Variants in NBEA observed in about 807,000 individuals in gnomAD.
NBEA encodes the protein lysosomal-trafficking regulator 2.
In NBEA, 44 loss-of-function variants were observed where a neutral mutation model predicts 343.4. The ratio of observed to expected loss-of-function variants is 0.13; its 90% confidence interval spans 0.10 to 0.16. The LOEUF is 0.16. Among genes scored for constraint, NBEA ranks in the 10% least tolerant of loss-of-function variants. NBEA has a pLI of 1.00. For missense variants in NBEA, 2,555 were observed against 3,631.3 expected (o/e 0.70, Z 7.62); for synonymous variants, 1,175 against 1,238.7 (o/e 0.95, Z 1.08).
At chr13:35,590,433 A>G (rs2081479447) in intron 46 of NBEA, among the ~76,000 whole-genome samples, 1 of 152,138 alleles carries the variant, frequency 6.6e-6, no homozygotes, top group Non-Finnish European at 1.5e-5. Context: ...GTGGAATTCA[A>G]TATTCTCTGC....
At chr13:35,074,613 A>G (rs1593258342) in intron 10 of NBEA, among the ~76,000 whole-genome samples, 1 of 152,238 alleles carries the variant, frequency 6.6e-6, no homozygotes, top group East Asian at 1.9e-4. Flanking sequence ...AGGTGATGGG[A>G]TATTCATGGG....
intron 17 of NBEA, among the ~76,000 whole-genome samples, chr13:35,129,320 T>G (rs1008532306): frequency 1.8e-4 from 28 of 152,022 alleles, no homozygotes; most frequent in Admixed American, 4.6e-4. Context: ...AAAAATCCTA[T>G]TAAATATATA....
At chr13:35,179,639 C>A in intron 28 of NBEA, 1 of 276,908 alleles carries the variant, frequency 3.6e-6, no homozygotes, top group Non-Finnish European at 5.5e-6. Flanking sequence ...CTGTTATTTA[C>A]AGCGCTGCCA....
intron 17 of NBEA, among the ~76,000 whole-genome samples, chr13:35,127,856 A>T (rs2067209094): frequency 6.6e-6 from 1 of 152,140 alleles, no homozygotes. Flanking sequence ...CGTAAAGATC[A>T]GTAAGCATAA....
rs772547175 is a variant in NBEA, at chr13:35,208,860, G to C, written c.5521+6G>C. On this transcript the variant is annotated splice_donor_region_variant and intron_variant, in intron 32 of 58. Transcript: ENST00000379939. ...AAGTATGATTAATACAACAGGTATT[G>C]TACTTACATATTTTTGTGATACTCA... The C allele has an allele frequency of 6.6e-7, 1 of 1,521,866 alleles. No individual in the cohort carries two copies. The highest frequency in any genetic ancestry group is 8.9e-7 in the Non-Finnish European group (1 of 1,123,658). The allele number at this position is 1,521,866 out of a possible 1,614,324, so 94.3% of individuals were successfully genotyped here. A position where few individuals can be genotyped will look rare whatever the true frequency, so the allele number is the denominator to read the frequency against.
Position 35,276,903 on chromosome 13 carries a change from AT to A in NBEA, c.5777-13484del, listed in dbSNP as rs1251285721. On this transcript the variant is annotated intron_variant, in intron 34 of 58. Transcript: ENST00000379939. ...CTGATTCTTTTTGAATATAAAATAG[AT>A]TATACATTTGTTTAAATTTTGTAAT... Among the ~76,000 whole-genome samples, 9 of 152,294 alleles carry A rather than the reference AT, an allele frequency of 5.9e-5. No individual in the cohort carries two copies. The East Asian group carries it at 1.5e-3, about 26-fold the overall frequency.
At position 35,606,473 on chromosome 13, in the gene NBEA, TA is replaced by T; in HGVS notation, c.7346del (p.Asn2449MetfsTer12). On this transcript the variant is annotated frameshift_variant, in exon 48 of 59. Coordinates refer to ENST00000379939, the MANE Select transcript of NBEA (RefSeq NM_001385012.1). LOFTEE classifies it high-confidence loss of function. Reference protein sequence around the residue: ...YYLPEMFVNSNGYNLGVREDE... With the variant: ...YYLPEMFVNSXGYNLGVREDE... ...ACCTACCAGAGATGTTTGTCAACAG[TA>T]ATGGATATAATCTTGGAGTCAGAGA... 6.3e-7 allele frequency: 1 copy of T among 1,592,794 alleles called. No individual in the cohort carries two copies. The highest frequency in any genetic ancestry group is 1.1e-5 in the South Asian group (1 of 87,560).
intron 4 of NBEA, among the ~76,000 whole-genome samples, chr13:35,046,287 C>T (rs1360181012): frequency 2.6e-5 from 4 of 152,076 alleles, no homozygotes; most frequent in Non-Finnish European, 5.9e-5. Context: ...TCTTATCTTT[C>T]GATTAAATAC....
intron 10 of NBEA, among the ~76,000 whole-genome samples, chr13:35,084,880 A>G (rs1441014464): frequency 6.6e-6 from 1 of 152,184 alleles, no homozygotes; most frequent in Non-Finnish European, 1.5e-5. Flanking sequence ...AATAGATGCA[A>G]TAAAAAATGA....
At chr13:35,071,577 G>C (rs183820724) in intron 10 of NBEA, among the ~76,000 whole-genome samples, 5 of 151,874 alleles carry the variant, frequency 3.3e-5, no homozygotes, top group African/African-American at 1.2e-4. Flanking sequence ...CCATGCTTGG[G>C]GATTTTAATG....
rs149293796 is a variant in NBEA, at chr13:35,666,354, A to T, written c.8465-1020A>T. ...AGAAATGGACACATAGGATATTTTC[A>T]GTCTTTTAATTTTAAAAAGTAATAA... On this transcript the variant is annotated intron_variant, in intron 56 of 58. Transcript: ENST00000379939. 2.2e-4 allele frequency among the ~76,000 whole-genome samples: 34 copies of T among 151,848 alleles called. No individual in the cohort carries two copies. In the East Asian group the frequency reaches 6.6e-3, roughly 29 times the overall value.
chr13:35,595,468 A>G (rs1434677444), intron 47 of NBEA, among the ~76,000 whole-genome samples: 1 of 152,008 alleles, frequency 6.6e-6, no homozygotes, highest in Non-Finnish European at 1.5e-5. Context: ...ATATGTTAAT[A>G]CATCTTAGAT....
At chr13:34,943,779 G>A (rs1225654961) in intron 1 of NBEA, among the ~76,000 whole-genome samples, 2 of 152,298 alleles carry the variant, frequency 1.3e-5, no homozygotes, top group African/African-American at 4.8e-5. Flanking sequence ...CACAAGGTGT[G>A]TGAGGACACC....
chr13:35,539,940 A>AAAAAAAAAAAAAAAAAAC (rs2078742856), intron 41 of NBEA, among the ~76,000 whole-genome samples: 1 of 146,974 alleles, frequency 6.8e-6, no homozygotes, highest in Non-Finnish European at 1.5e-5. Context: ...AAAAAAAAAA[A>AAAAAAAAAAAAAAAAAAC]AAGTGCACTA....
intron 34 of NBEA, among the ~76,000 whole-genome samples, chr13:35,278,447 C>T (rs1207039384): frequency 6.6e-6 from 1 of 152,058 alleles, no homozygotes; most frequent in African/African-American, 2.4e-5. Context: ...TTATTGGTCC[C>T]ATCATTTAAC....
chr13:35,338,059 C>G (rs1189670058), intron 36 of NBEA, among the ~76,000 whole-genome samples: 1 of 151,160 alleles, frequency 6.6e-6, no homozygotes, highest in East Asian at 1.9e-4. Context: ...ACAGGACAAA[C>G]TAGAAGAAGA....
intron 36 of NBEA, among the ~76,000 whole-genome samples, chr13:35,323,385 T>TA (rs529481268): frequency 6.6e-6 from 1 of 151,848 alleles, no homozygotes; most frequent in Non-Finnish European, 1.5e-5. Context: ...TATGCAGCCA[T>TA]AAAAAAATGA....
intron 49 of NBEA, among the ~76,000 whole-genome samples, chr13:35,638,333 G>T (rs563600209): frequency 6.6e-6 from 1 of 152,202 alleles, no homozygotes; most frequent in African/African-American, 2.4e-5. Flanking sequence ...ATTTACAAAG[G>T]TATAGACATG....
At chr13:35,117,032 G>T in intron 13 of NBEA, among the ~76,000 whole-genome samples, 1 of 151,802 alleles carries the variant, frequency 6.6e-6, no homozygotes, top group East Asian at 1.9e-4. Context: ...AAAATGGAGA[G>T]AGTCCTTAAA....
Sources: allele counts gnomAD v4.1 joint callset (sites outside exome capture counted in the v4.1 genomes callset), GRCh38; gene constraint gnomAD v4.1.1; transcripts MANE v1.5; gene names NCBI Gene and HGNC (gene_info 2026-07-23, HGNC 2026-07-21).